RAB32: variants seen among roughly 807,000 people sequenced by gnomAD.
RAB32 encodes RAB32, member RAS oncogene family, also known as ras-related protein Rab-32.
Under a neutral mutation model 17.5 loss-of-function variants are expected in RAB32, and 17 were observed. That is an observed-to-expected ratio of 0.97 (90% confidence interval 0.67 to 1.46). RAB32 has a LOEUF of 1.46. Ranked by LOEUF, RAB32 falls within the 40% of genes most tolerant of loss-of-function variation. The pLI, the probability that RAB32 is intolerant of heterozygous loss-of-function variation, is 0.00. For missense variants in RAB32, 288 were observed against 284.3 expected (o/e 1.01, Z -0.09); for synonymous variants, 115 against 111.1 (o/e 1.04, Z -0.22).
chr6:146,551,446 A>G (rs1322929674), intron 2 of RAB32, among the ~76,000 whole-genome samples: 3 of 152,076 alleles, frequency 2.0e-5, no homozygotes, highest in Non-Finnish European at 4.4e-5. Context: ...GCTGGACTCA[A>G]ACTCCTGAGC....
At chr6:146,550,724 TG>T (rs139243497) in intron 2 of RAB32, among the ~76,000 whole-genome samples, 3,648 of 124,962 alleles carry the variant, frequency 0.029, 108 homozygotes, top group African/African-American at 0.07. Flanking sequence ...ATAAAATGTT[TG>T]GGGGGGGGGT....
chr6:146,549,568 A>G lies in RAB32; in HGVS notation c.355A>G (p.Lys119Glu), dbSNP rs537811454. Residue 119 changes from lysine (K) to glutamate (E), a missense_variant, in exon 2 of 3, where the codon AAA becomes GAA. Coordinates refer to ENST00000367495, the MANE Select transcript of RAB32 (RefSeq NM_006834.5). ...AAGTTCCACATTTGAGGCAGTCTTA[A>G]AATGGAAAAGTGATCTGGATAGTAA... ...SRSSTFEAVL[K>E]WKSDLDSKVH... 3 of 1,614,228 alleles carry G rather than the reference A, an allele frequency of 1.9e-6. No homozygotes were observed. In the African/African-American group the frequency reaches 4.0e-5, roughly 22 times the overall value.
At chr6:146,552,164 C>T (rs1353136275) in intron 2 of RAB32, among the ~76,000 whole-genome samples, 1 of 152,098 alleles carries the variant, frequency 6.6e-6, no homozygotes, top group Admixed American at 6.6e-5. Flanking sequence ...TAATATGAAA[C>T]TTTAATAATA....
rs1583539025 is a variant in RAB32, at chr6:146,554,695, C to T, written c.*90C>T. 1 of 1,413,916 alleles carries T rather than the reference C, an allele frequency of 7.1e-7. No individual in the cohort carries two copies. Among genetic ancestry groups the T allele is most frequent in the East Asian group, 2.4e-5 (1 of 42,546 alleles). The allele number at this position is 1,413,916 out of a possible 1,614,324, so 87.6% of individuals were successfully genotyped here. A position where few individuals can be genotyped will look rare whatever the true frequency, so the allele number is the denominator to read the frequency against. On this transcript the variant is annotated 3_prime_UTR_variant, in exon 3 of 3. Coordinates refer to ENST00000367495, the MANE Select transcript of RAB32 (RefSeq NM_006834.5). ...GATGTCATGTTAGCTGGGAGTCTTC[C>T]CACATGTGGCACTTCAAAAGGCAGC...
chr6:146,550,414 C>T lies in RAB32; in HGVS notation c.528+673C>T, dbSNP rs377451402. 7.9e-5 allele frequency among the ~76,000 whole-genome samples: 12 copies of T among 151,986 alleles called. No homozygotes were observed. In the East Asian group the frequency reaches 1.4e-3, roughly 17 times the overall value. ...CTGTAATCCTAGCAGTCTGGGAGGC[C>T]GAGGCAGATGGATCGGGCAGATCGC... On this transcript the variant is annotated intron_variant, in intron 2 of 2. Coordinates refer to ENST00000367495, the MANE Select transcript of RAB32 (RefSeq NM_006834.5).
intron 1 of RAB32, among the ~76,000 whole-genome samples, chr6:146,547,767 C>G (rs1422823400): frequency 1.4e-5 from 2 of 146,620 alleles, no homozygotes; most frequent in East Asian, 4.0e-4. Flanking sequence ...TTTAACAACT[C>G]TTTGTTAACT....
chr6:146,547,465 A>G (rs1779838136), intron 1 of RAB32, among the ~76,000 whole-genome samples: 1 of 152,108 alleles, frequency 6.6e-6, no homozygotes, highest in South Asian at 2.1e-4. Context: ...TCTGCTCTGA[A>G]GTTCATATAA....
Position 146,554,546 on chromosome 6 carries a change from G to A in RAB32, c.619G>A (p.Asp207Asn), listed in dbSNP as rs757138725. ...CTTTCCTAATGAAGAAAACGATGTG[G>A]ACAAAATTAAGCTAGATCAAGAGAC... is the stretch of plus-strand genomic sequence containing the variant. ...QSFPNEENDV[D>N]KIKLDQETLR... Residue 207 changes from aspartate to asparagine, a missense_variant, in exon 3 of 3, where the codon GAC (aspartate) becomes AAC (asparagine). Coordinates refer to ENST00000367495, the MANE Select transcript of RAB32 (RefSeq NM_006834.5). 1.2e-6 allele frequency: 2 copies of A among 1,613,848 alleles called. No homozygotes were observed. The highest frequency in any genetic ancestry group is 1.7e-6 in the Non-Finnish European group (2 of 1,179,834).
chr6:146,549,297 T>A (rs1055702152), intron 1 of RAB32, among the ~76,000 whole-genome samples, 167 bp from the exon 2 acceptor site: 3 of 152,226 alleles, frequency 2.0e-5, no homozygotes, highest in African/African-American at 7.2e-5. Flanking sequence ...ACACATCTGC[T>A]CTATGGGTCA....
Position 146,554,690 on chromosome 6 carries a change from T to A in RAB32, c.*85T>A. The stretch of plus-strand genomic sequence containing the variant: ...TTACAGATGTCATGTTAGCTGGGAG[T>A]CTTCCCACATGTGGCACTTCAAAAG... On this transcript the variant is annotated 3_prime_UTR_variant, in exon 3 of 3. Transcript: ENST00000367495. 6.9e-7 allele frequency: 1 copy of A among 1,444,636 alleles called. No homozygotes were observed. Among genetic ancestry groups the A allele is most frequent in the Non-Finnish European group, 9.3e-7 (1 of 1,074,836 alleles). 89.5% of individuals were successfully genotyped at this position (1,444,636 alleles called of 1,614,324 possible).
intron 2 of RAB32, among the ~76,000 whole-genome samples, chr6:146,552,697 GAATGAC>G: frequency 6.6e-6 from 1 of 152,270 alleles, no homozygotes; most frequent in East Asian, 1.9e-4. Context: ...GGCTTAAAAG[GAATGAC>G]ACCACAGAAC....
chr6:146,544,654 C>T (rs1233636309), intron 1 of RAB32, among the ~76,000 whole-genome samples: 1 of 151,922 alleles, frequency 6.6e-6, no homozygotes, highest in Non-Finnish European at 1.5e-5. Flanking sequence ...ACTTTGCTCT[C>T]ATCGGAAGCC....
chr6:146,553,409 A>C (rs1466520728), intron 2 of RAB32, among the ~76,000 whole-genome samples: 3 of 152,348 alleles, frequency 2.0e-5, no homozygotes, highest in Middle Eastern at 6.8e-3. Context: ...TGCAGGGTAC[A>C]TCACTTGTGT....
chr6:146,553,071 AT>A (rs1028954293), intron 2 of RAB32, among the ~76,000 whole-genome samples: 8 of 152,112 alleles, frequency 5.3e-5, no homozygotes, highest in South Asian at 2.1e-4. Context: ...TTTTATTTTT[AT>A]TTTTTTATTA....
Position 146,543,931 on chromosome 6 carries a change from G to C in RAB32, c.60G>C (p.Glu20Asp). 1 of 1,606,902 alleles carries C rather than the reference G, an allele frequency of 6.2e-7. No individual in the cohort carries two copies. The highest frequency in any genetic ancestry group is 1.3e-5 in the African/African-American group (1 of 74,424). The change falls in exon 1 of 3, where the codon GAG becomes GAC. Residue 20 changes from glutamate to aspartate, a missense_variant. By Grantham distance (45) the Glu-to-Asp change is conservative (BLOSUM62 2). Coordinates refer to ENST00000367495, the MANE Select transcript of RAB32 (RefSeq NM_006834.5). ...GLGAAAAPAP[E>D]TREHLFKVLV... ...GGGCGGCCGCCGCCCCAGCGCCCGA[G>C]ACCCGCGAGCACCTCTTCAAGGTGC... is the stretch of plus-strand genomic sequence containing the variant.
chr6:146,553,370 C>A (rs1474723015), intron 2 of RAB32, among the ~76,000 whole-genome samples: 1 of 152,184 alleles, frequency 6.6e-6, no homozygotes, highest in Admixed American at 6.5e-5. Flanking sequence ...GCAAAAACAA[C>A]TTGAAGCAGT....
At chr6:146,550,912 G>A (rs924581327) in intron 2 of RAB32, among the ~76,000 whole-genome samples, 5 of 151,978 alleles carry the variant, frequency 3.3e-5, no homozygotes, top group African/African-American at 9.7e-5. Flanking sequence ...GTGTGTTTAC[G>A]GGTGTTTTTA....
At chr6:146,551,293 C>G (rs538936310) in intron 2 of RAB32, among the ~76,000 whole-genome samples, 1 of 152,246 alleles carries the variant, frequency 6.6e-6, no homozygotes, top group African/African-American at 2.4e-5. Context: ...TAATCTGACA[C>G]GAAGGAGAAA....
chr6:146,549,886 T>G, intron 2 of RAB32, 145 bp downstream of exon 2: 1 of 966,600 alleles, frequency 1.0e-6, no homozygotes, highest in Non-Finnish European at 1.5e-6. Flanking sequence ...ATAGCTTCTT[T>G]CAGTCCACAA....
Sources: allele counts gnomAD v4.1 joint callset (sites outside exome capture counted in the v4.1 genomes callset), GRCh38; gene constraint gnomAD v4.1.1; transcripts MANE v1.5; gene names NCBI Gene and HGNC (gene_info 2026-07-23, HGNC 2026-07-21).